Variants in LGALS3 observed in about 807,000 individuals in gnomAD.
The protein encoded by LGALS3 is galectin 3.
LGALS3 carries 18 observed loss-of-function variants against 20.7 expected under a neutral mutation model. That is an observed-to-expected ratio of 0.87 (90% CI 0.60 to 1.29). The LOEUF is 1.29. Ranked by LOEUF, LGALS3 falls within the 50% of genes most tolerant of loss-of-function variation. The pLI is 0.00. For synonymous variants in LGALS3, 112 were observed against 119.6 expected, an observed-to-expected ratio of 0.94 and a Z score of 0.42; for missense variants, 315 against 314.7, an observed-to-expected ratio of 1.00 and a Z score of -0.01.
At chr14:55,135,803 G>A (rs1010380294) in intron 1 of LGALS3, among the ~76,000 whole-genome samples, 3 of 152,042 alleles carry the variant, frequency 2.0e-5, no homozygotes, top group Non-Finnish European at 2.9e-5. Flanking sequence ...GGGCTCAAGC[G>A]ATTTGCCCAC....
intron 1 of LGALS3, among the ~76,000 whole-genome samples, chr14:55,131,526 C>T (rs1239905151): frequency 2.0e-5 from 3 of 152,204 alleles, no homozygotes; most frequent in East Asian, 1.9e-4. Flanking sequence ...AACTTATGTA[C>T]TTGATACTTG....
At position 55,140,287 on chromosome 14, in the gene LGALS3, A is replaced by G; in HGVS notation, c.355A>G (p.Asn119Asp). Residue 119 changes from asparagine (N) to aspartate (D), a missense_variant, in exon 4 of 6, where the codon AAC (asparagine) becomes GAC (aspartate). Physicochemically the swap from Asn to Asp is conservative, Grantham distance 23. Coordinates refer to ENST00000254301, the MANE Select transcript of LGALS3 (RefSeq NM_002306.4). ...APAGPLIVPY[N>D]LPLPGGVVPR... ...TGTTAATTCCCAGATTGTGCCTTAT[A>G]ACCTGCCTTTGCCTGGGGGAGTGGT... 6.2e-7 allele frequency: 1 copy of G among 1,612,888 alleles called. No homozygotes were observed. Among genetic ancestry groups the G allele is most frequent in the Non-Finnish European group, 8.5e-7 (1 of 1,178,992 alleles).
chr14:55,132,597 C>T (rs940716842), intron 1 of LGALS3, among the ~76,000 whole-genome samples: 1 of 151,496 alleles, frequency 6.6e-6, no homozygotes, highest in Non-Finnish European at 1.5e-5. Context: ...TGAGATGGAG[C>T]CTCGCAGTCT....
intron 5 of LGALS3, among the ~76,000 whole-genome samples, chr14:55,144,705 AAGGTGC>A (rs1881752280): frequency 6.6e-6 from 1 of 152,112 alleles, no homozygotes; most frequent in Admixed American, 6.6e-5. Flanking sequence ...CTGGGACTAC[AAGGTGC>A]CCGCCACCAC....
intron 1 of LGALS3, among the ~76,000 whole-genome samples, chr14:55,136,032 C>T (rs2140291088): frequency 6.6e-6 from 1 of 152,276 alleles, no homozygotes; most frequent in African/African-American, 2.4e-5. Flanking sequence ...TGATCCTGAG[C>T]TTAGGAAGAA....
In LGALS3 at chr14:55,142,536, A is replaced by G. The variant is rs375261744; in HGVS notation, c.432-48A>G. On this transcript the variant is annotated intron_variant, in intron 4 of 5. Coordinates refer to ENST00000254301, the MANE Select transcript of LGALS3 (RefSeq NM_002306.4). ...AATTACATGTTCTTTACACAGTGCA[A>G]ATGTACAGCTTTAATCATTTTAATA... The G allele has an allele frequency of 3.9e-5, 59 of 1,496,118 alleles. No homozygotes were observed. The African/African-American group carries it at 6.2e-4, about 16-fold the overall frequency. 92.7% of individuals were successfully genotyped at this position (1,496,118 alleles called of 1,614,324 possible). A position where few individuals can be genotyped will look rare whatever the true frequency, so the allele number is the denominator to read the frequency against.
At chr14:55,139,689 G>A (rs1304234390) in intron 3 of LGALS3, among the ~76,000 whole-genome samples, 1 of 152,118 alleles carries the variant, frequency 6.6e-6, no homozygotes, top group African/African-American at 2.4e-5. Flanking sequence ...GTCTTAAAAA[G>A]GGAAAGAAAA....
chr14:55,137,221 GAA>G, intron 1 of LGALS3, 147 bp from the exon 2 acceptor site: 1 of 805,486 alleles, frequency 1.2e-6, no homozygotes, highest in Non-Finnish European at 2.2e-6. Context: ...CCTGCCCCTT[GAA>G]GAGATGTTTT....
intron 3 of LGALS3, among the ~76,000 whole-genome samples, chr14:55,139,152 G>A (rs1264623970): frequency 6.6e-6 from 1 of 152,072 alleles, no homozygotes; most frequent in Non-Finnish European, 1.5e-5. Context: ...TACCAGAGAT[G>A]GTTAGTCAGT....
At chr14:55,144,474 A>G (rs986892468) in intron 5 of LGALS3, among the ~76,000 whole-genome samples, 3 of 151,118 alleles carry the variant, frequency 2.0e-5, no homozygotes, top group African/African-American at 7.3e-5. Context: ...GCAAATCTTT[A>G]GCCTCCACCT....
chr14:55,143,434 T>C, intron 5 of LGALS3: 1 of 391,046 alleles, frequency 2.6e-6, no homozygotes, highest in Non-Finnish European at 5.0e-6. Context: ...CACTTTTTTT[T>C]TTTTTCGAGA....
In LGALS3 at chr14:55,143,485, G is replaced by A. The variant is rs189994172; in HGVS notation, c.597+736G>A. 1.6e-3 allele frequency: 522 copies of A among 332,440 alleles called. 2 individuals carry two copies. Among genetic ancestry groups the A allele is most frequent in the South Asian group, 2.0e-3 (91 of 45,366 alleles). The allele number at this position is 332,440 out of a possible 1,614,324, so 20.6% of individuals were successfully genotyped here. On this transcript the variant is annotated intron_variant, in intron 5 of 5. Coordinates refer to ENST00000254301, the MANE Select transcript of LGALS3 (RefSeq NM_002306.4). ...TCGCCAGGCTGGAGTACAGTGGCAC[G>A]ATCTTGGCTCACTACAACCTCCGCC...
chr14:55,134,719 G>A (rs897900882), intron 1 of LGALS3, among the ~76,000 whole-genome samples: 1 of 152,182 alleles, frequency 6.6e-6, no homozygotes, highest in African/African-American at 2.4e-5. Flanking sequence ...AGCACTACAG[G>A]ATGTAACGTA....
intron 1 of LGALS3, among the ~76,000 whole-genome samples, chr14:55,135,908 C>T (rs189231950): frequency 9.1e-4 from 138 of 152,268 alleles, no homozygotes; most frequent in Non-Finnish European, 1.2e-3. Context: ...TATTGGATCC[C>T]TTGGGGCCGA....
chr14:55,137,244 C>T, intron 1 of LGALS3, 126 bp from the exon 2 acceptor site: 3 of 918,444 alleles, frequency 3.3e-6, no homozygotes, highest in South Asian at 2.6e-5. Flanking sequence ...TGTGGCGCCA[C>T]ACTACTGACT....
Position 55,142,723 on chromosome 14 carries a change from C to A in LGALS3, c.571C>A (p.Pro191Thr). Reference protein sequence around the residue: ...WGREERQSVFPFESGKPFKIQ... With the variant: ...WGREERQSVFTFESGKPFKIQ... ...AAGGGAAGAAAGACAGTCGGTTTTC[C>A]CATTTGAAAGTGGGAAACCATTCAA... The change falls in exon 5 of 6, where the codon CCA (proline) becomes ACA (threonine). Residue 191 changes from proline to threonine, a missense_variant. By Grantham distance (38) the Pro-to-Thr change is conservative. Transcript: ENST00000254301. 1.2e-6 allele frequency: 2 copies of A among 1,613,582 alleles called. No individual in the cohort carries two copies. The highest frequency in any genetic ancestry group is 1.7e-6 in the Non-Finnish European group (2 of 1,179,610).
intron 4 of LGALS3, among the ~76,000 whole-genome samples, chr14:55,141,790 G>A (rs1489504320): frequency 1.3e-5 from 2 of 152,184 alleles, no homozygotes; most frequent in African/African-American, 2.4e-5. Flanking sequence ...GTTACTGGGT[G>A]AATCAAAATA....
At position 55,145,149 on chromosome 14, in the gene LGALS3, G is replaced by A; in HGVS notation, c.631G>A (p.Val211Ile). 1.2e-6 allele frequency: 2 copies of A among 1,613,892 alleles called. No homozygotes were observed. Among genetic ancestry groups the A allele is most frequent in the Non-Finnish European group, 1.7e-6 (2 of 1,179,876 alleles). The change falls in exon 6 of 6, where the codon GTT (valine) becomes ATT (isoleucine). Residue 211 changes from valine (V) to isoleucine (I), a missense_variant. Physicochemically the swap from Val to Ile is conservative, Grantham distance 29. Transcript: ENST00000254301. ...QVLVEPDHFKVAVNDAHLLQY... is the reference protein window; with the variant it reads ...QVLVEPDHFKIAVNDAHLLQY... ...ACTGGTTGAACCTGACCACTTCAAG[G>A]TTGCAGTGAATGATGCTCACTTGTT...
At chr14:55,131,575 T>C (rs1196672523) in intron 1 of LGALS3, among the ~76,000 whole-genome samples, 1 of 152,168 alleles carries the variant, frequency 6.6e-6, no homozygotes, top group African/African-American at 2.4e-5. Context: ...TTTCCTGTGA[T>C]CGTTTGGGAC....
Sources: gnomAD v4.1 joint callset for allele counts (sites outside exome capture counted in the v4.1 genomes callset) on GRCh38, gnomAD v4.1.1 for gene constraint, MANE v1.5 for transcripts, NCBI Gene and HGNC (gene_info 2026-07-23, HGNC 2026-07-21) for gene names.